The following TUSC3 variants were observed in gnomAD, a reference collection of about 807,000 sequenced individuals.
The protein encoded by TUSC3 is tumor suppressor candidate 3, also known as dolichyl-diphosphooligosaccharide--protein glycosyltransferase subunit TUSC3.
A neutral mutation model predicts 44.8 loss-of-function variants in TUSC3; 45 were observed. The ratio of observed to expected loss-of-function variants is 1.00; its 90% CI spans 0.79 to 1.29. The LOEUF (loss-of-function observed/expected upper bound fraction) is 1.29, where lower values mean the gene tolerates loss of function less well. Among genes scored for constraint, TUSC3 ranks in the 50% most tolerant of loss-of-function variants. The pLI is 0.00. For missense variants in TUSC3, 519 were observed against 437.9 expected (o/e 1.19, Z -1.65); for synonymous variants, 212 against 152.9 (o/e 1.39, Z -2.85).
intron 2 of TUSC3, among the ~76,000 whole-genome samples, chr8:15,641,664 A>T (rs1806377647): frequency 2.0e-5 from 3 of 152,164 alleles, no homozygotes; most frequent in African/African-American, 7.2e-5. Flanking sequence ...TGTCATGCTA[A>T]AAAGGGGAAA....
At chr8:15,479,601 T>C (rs989054906) in intron 1 of TUSC3, among the ~76,000 whole-genome samples, 4 of 152,178 alleles carry the variant, frequency 2.6e-5, no homozygotes, top group Admixed American at 1.3e-4. Context: ...TGTAGATATG[T>C]GTTCTTATTT....
chr8:15,790,345 T>C, the TUSC3 span, among the ~76,000 whole-genome samples: 1 of 151,766 alleles, frequency 6.6e-6, no homozygotes, highest in African/African-American at 2.4e-5. Context: ...GCCACCACTC[T>C]CAGCTAATTT....
At chr8:15,562,312 G>T (rs2129140405) in intron 1 of TUSC3, among the ~76,000 whole-genome samples, 1 of 152,178 alleles carries the variant, frequency 6.6e-6, no homozygotes, top group Non-Finnish European at 1.5e-5. Context: ...TTCTTAGTGT[G>T]GCATAGCTAA....
chr8:15,662,111 T>C, intron 4 of TUSC3, 45 bp from the exon 5 acceptor site: 1 of 1,595,410 alleles, frequency 6.3e-7, no homozygotes, highest in Non-Finnish European at 8.6e-7. Flanking sequence ...AAAAGAAAAA[T>C]TTTATTTTTC....
At chr8:15,768,853 C>G (rs986598385), downstream of TUSC3, among the ~76,000 whole-genome samples, 2 of 152,014 alleles carry the variant, frequency 1.3e-5, no homozygotes, top group Non-Finnish European at 2.9e-5. Context: ...AATAAAATAC[C>G]TAGGAGTACA....
chr8:15,770,114 A>G (rs891408209), downstream of TUSC3, among the ~76,000 whole-genome samples: 16 of 152,208 alleles, frequency 1.1e-4, no homozygotes, highest in Non-Finnish European at 2.1e-4. Flanking sequence ...ATGCACATGT[A>G]TGTTTGTTGC....
chr8:15,727,463 T>G (rs1810543267), intron 6 of TUSC3, among the ~76,000 whole-genome samples: 1 of 152,140 alleles, frequency 6.6e-6, no homozygotes, highest in African/African-American at 2.4e-5. Flanking sequence ...TGGATTTCTG[T>G]TGCCTGAATT....
At chr8:15,850,404 T>G in the TUSC3 span, among the ~76,000 whole-genome samples, 472 of 152,318 alleles carry the variant, frequency 3.1e-3, 1 homozygote, top group African/African-American at 0.011. Flanking sequence ...TATTATTCAC[T>G]ATACAATAAA....
At chr8:15,820,372 C>A in the TUSC3 span, among the ~76,000 whole-genome samples, 1 of 144,156 alleles carries the variant, frequency 6.9e-6, no homozygotes, top group South Asian at 2.2e-4. Context: ...AGTGCAGTGG[C>A]GCGATCTTGG....
intron 1 of TUSC3, among the ~76,000 whole-genome samples, chr8:15,585,749 C>T (rs73540534): frequency 0.05 from 7,545 of 152,198 alleles, 257 homozygotes; most frequent in African/African-American, 0.11. Context: ...GTTCGACTGT[C>T]GGAATGTCTT....
chr8:15,440,258 C>T (rs906765408), intron 1 of TUSC3, among the ~76,000 whole-genome samples: 5 of 152,194 alleles, frequency 3.3e-5, no homozygotes, highest in African/African-American at 9.6e-5. Context: ...GGAAACAACA[C>T]ATGCAAAGTC....
In TUSC3 at chr8:15,546,100, G is replaced by C. The variant is rs1281724920; in HGVS notation, c.138+5532G>C. ...GTTTATTTGTTATATAACAGTGTGT[G>C]TATGCACATATTTGCATGTGTGTAT... On this transcript the variant is annotated intron_variant, in intron 1 of 10. Transcript: ENST00000503731. Among the ~76,000 whole-genome samples the C allele has an allele frequency of 7.9e-5, 12 of 151,908 alleles. 1 individual carries two copies. Among genetic ancestry groups the C allele is most frequent in the African/African-American group, 2.9e-4 (12 of 41,526 alleles).
At chr8:15,671,958 A>G (rs1000870299) in intron 5 of TUSC3, among the ~76,000 whole-genome samples, 3 of 152,010 alleles carry the variant, frequency 2.0e-5, no homozygotes, top group East Asian at 1.9e-4. Context: ...CTGTTATACA[A>G]TAGTGCCTCC....
chr8:15,473,119 G>C lies in TUSC3; in HGVS notation n.92-10267G>C, dbSNP rs77148673. ...CATTCTTTTTAGTTTCCCCAAATAAGTGCTAATATAGTATGTGCTCAGCAA... is the reference window on the plus strand; with the variant it reads ...CATTCTTTTTAGTTTCCCCAAATAACTGCTAATATAGTATGTGCTCAGCAA... On this transcript the variant is annotated intron_variant and non_coding_transcript_variant, in intron 1 of 5. Coordinates refer to the TUSC3 transcript ENST00000503191. Among the ~76,000 whole-genome samples the C allele has an allele frequency of 2.3e-3, 347 of 152,222 alleles. 3 individuals carry two copies. The East Asian group carries it at 0.044, about 19-fold the overall frequency.
chr8:15,616,230 A>T (rs1804982045), intron 1 of TUSC3, among the ~76,000 whole-genome samples: 1 of 152,152 alleles, frequency 6.6e-6, no homozygotes, highest in African/African-American at 2.4e-5. Context: ...GTTTATAGTG[A>T]CATGTATTTT....
At chr8:15,499,508 A>C (rs6995017) in intron 2 of TUSC3, among the ~76,000 whole-genome samples, 1,620 of 152,294 alleles carry the variant, frequency 0.011, 26 homozygotes, top group African/African-American at 0.037. Context: ...CTATATTTGA[A>C]GTTCATGTCA....
At chr8:15,746,068 T>C (rs1173687455) in intron 8 of TUSC3, among the ~76,000 whole-genome samples, 2 of 152,124 alleles carry the variant, frequency 1.3e-5, no homozygotes, top group Non-Finnish European at 2.9e-5. Flanking sequence ...ATCAGATGGT[T>C]GAGAGTGTGC....
intron 9 of TUSC3, among the ~76,000 whole-genome samples, chr8:15,752,851 C>T (rs1052692256): frequency 6.6e-6 from 1 of 151,988 alleles, no homozygotes; most frequent in Non-Finnish European, 1.5e-5. Flanking sequence ...GATAAATGTT[C>T]AGCACCAAGA....
At chr8:15,676,025 A>G (rs1443022128) in intron 6 of TUSC3, among the ~76,000 whole-genome samples, 1 of 152,040 alleles carries the variant, frequency 6.6e-6, no homozygotes, top group Admixed American at 6.6e-5. Flanking sequence ...TTTCCATTAT[A>G]ATTGTACTAA....
Sources: gnomAD v4.1 joint callset for allele counts (sites outside exome capture counted in the v4.1 genomes callset) on GRCh38, gnomAD v4.1.1 for gene constraint, MANE v1.5 for transcripts, NCBI Gene and HGNC (gene_info 2026-07-23, HGNC 2026-07-21) for gene names.